CROCC2: variants seen among roughly 807,000 people sequenced by gnomAD.
CROCC2 encodes ciliary rootlet coiled-coil protein 2.
CROCC2 carries 163 observed loss-of-function variants against 177.6 expected under a neutral mutation model. The observed-to-expected ratio is 0.92, with a 90% CI of 0.81 to 1.05. The LOEUF is 1.05. CROCC2 is among the 50% of genes least tolerant of loss of function. The pLI, the probability that CROCC2 is intolerant of heterozygous loss-of-function variation, is 0.00. For synonymous variants in CROCC2, 904 were observed against 787.3 expected (o/e 1.15, Z -2.48); for missense variants, 1,929 against 1,797.8 (o/e 1.07, Z -1.32).
intron 7 of CROCC2, 38 bp from the exon 8 acceptor site, chr2:240,932,280 C>A: frequency 1.4e-6 from 1 of 695,886 alleles, no homozygotes; most frequent in Non-Finnish European, 2.7e-6. Flanking sequence ...GTCCTCTGGG[C>A]CCTGCCCTTC....
Position 240,932,079 on chromosome 2 carries a change from G to A in CROCC2, c.948-239G>A, listed in dbSNP as rs556308792. 4.6e-5 allele frequency among the ~76,000 whole-genome samples: 7 copies of A among 152,268 alleles called. 1 individual carries two copies. Among genetic ancestry groups the A allele is most frequent in the Admixed American group, 3.3e-4 (5 of 15,292 alleles). On this transcript the variant is annotated intron_variant, in intron 7 of 31. Coordinates refer to ENST00000690015, the MANE Select transcript of CROCC2 (RefSeq NM_001351305.2). ...AGAGCCTCGGGCAGCCACTGCATCT[G>A]AGGCTGGAGAGCTGGTCAGGGTGTG... is the stretch of plus-strand genomic sequence containing the variant.
intron 18 of CROCC2, 58 bp from the exon 19 acceptor site, chr2:240,955,801 C>T (rs984662828): frequency 2.5e-6 from 3 of 1,204,830 alleles, no homozygotes; most frequent in Non-Finnish European, 3.5e-6. Context: ...TAGAGGGGGG[C>T]CTCTTCCCTC....
At chr2:240,930,844 G>A (rs1360077029) in intron 6 of CROCC2, 87 bp from the exon 7 acceptor site, 1 of 608,758 alleles carries the variant, frequency 1.6e-6, no homozygotes, top group African/African-American at 1.9e-5. Context: ...TGGCCAAGGA[G>A]GGGGTCCTCT....
intron 28 of CROCC2, 51 bp from the exon 29 acceptor site, chr2:240,988,688 C>A (rs2106494737): frequency 1.5e-6 from 2 of 1,332,790 alleles, no homozygotes; most frequent in Non-Finnish European, 1.9e-6. Context: ...GCTGGCCTGA[C>A]CTCACTCCCT....
rs370465908 is a variant in CROCC2 at position 240,933,318 on chromosome 2, G to A, written c.1439G>A (p.Arg480Gln). The A allele has an allele frequency of 2.7e-4, 407 of 1,532,982 alleles. 1 individual carries two copies. Among genetic ancestry groups the A allele is most frequent in the Middle Eastern group, 2.5e-3 (11 of 4,456 alleles). The allele number at this position is 1,532,982 out of a possible 1,614,324, so 95.0% of individuals were successfully genotyped here. A position where few individuals can be genotyped will look rare whatever the true frequency, so the allele number is the denominator to read the frequency against. The part of the protein sequence containing the change: ...EAQRLEVQQC[R>Q]ASCKLLGREK... ...CAGAGGCTCGAGGTGCAGCAGTGCCGGGCATCCTGCAAGCTCCTGGGGAGG... is the reference window on the plus strand; with the variant it reads ...CAGAGGCTCGAGGTGCAGCAGTGCCAGGCATCCTGCAAGCTCCTGGGGAGG... The change falls in exon 10 of 32, where the codon CGG (arginine) becomes CAG (glutamine). Residue 480 changes from arginine (R) to glutamine (Q), a missense_variant. Physicochemically the swap from Arg to Gln is conservative, Grantham distance 43 (BLOSUM62 1). Transcript: ENST00000690015.
At chr2:240,967,757 C>T in intron 26 of CROCC2, among the ~76,000 whole-genome samples, 1 of 152,082 alleles carries the variant, frequency 6.6e-6, no homozygotes. Flanking sequence ...TGGCCTCCTG[C>T]AGTTCCCACT....
At position 240,982,390 on chromosome 2, in the gene CROCC2, T is replaced by A. The variant is rs11884043; in HGVS notation, c.4402-490T>A. 17,606 of 152,850 alleles carry A rather than the reference T, an allele frequency of 0.12. 1,150 individuals carry two copies. The highest frequency in any genetic ancestry group is 0.17 in the African/African-American group (6,969 of 41,470). 9.5% of individuals were successfully genotyped at this position (152,850 alleles called of 1,614,324 possible). A position where few individuals can be genotyped will look rare whatever the true frequency, so the allele number is the denominator to read the frequency against. On this transcript the variant is annotated intron_variant, in intron 27 of 31. Coordinates refer to ENST00000690015, the MANE Select transcript of CROCC2 (RefSeq NM_001351305.2). This position sits in a 1 kb window ranked among gnomAD's most constrained non-coding sequence, Gnocchi z 4.7. Reference sequence around the variant, plus strand: ...TCACGGACTCTGGAGCTCCTGAGCTTAGTTTGGGACTAGCCATGTCCCCAG... The same window carrying A: ...TCACGGACTCTGGAGCTCCTGAGCTAAGTTTGGGACTAGCCATGTCCCCAG...
chr2:240,964,176 G>C, intron 21 of CROCC2: 1 of 551,182 alleles, frequency 1.8e-6, no homozygotes, highest in African/African-American at 1.9e-5. Context: ...ACCAGGCTAG[G>C]CTGGATGTTG....
intron 28 of CROCC2, chr2:240,983,248 T>G: frequency 1.1e-6 from 1 of 892,330 alleles, no homozygotes; most frequent in Non-Finnish European, 1.6e-6. Flanking sequence ...CCACAGGGAG[T>G]CAGGGGGCTG....
intron 19 of CROCC2, among the ~76,000 whole-genome samples, chr2:240,956,922 G>T (rs1321376565): frequency 6.6e-6 from 1 of 151,978 alleles, no homozygotes; most frequent in Admixed American, 6.6e-5. Flanking sequence ...CTCACAGTGG[G>T]GGGTGGCCAG....
At chr2:240,928,146 A>G (rs913904648) in intron 5 of CROCC2, among the ~76,000 whole-genome samples, 12 of 152,020 alleles carry the variant, frequency 7.9e-5, no homozygotes, top group African/African-American at 2.9e-4. Flanking sequence ...AGAGCTGCTT[A>G]TTTTCCTTGG....
At position 240,972,494 on chromosome 2, in the gene CROCC2, G is replaced by A. The variant is rs547899307; in HGVS notation, c.4401+4232G>A. ...CCTGAGGTCCTGGTAGTACAGAGTT[G>A]CCTCCCCAACACCCCTGCAGCTCCC... On this transcript the variant is annotated intron_variant, in intron 27 of 31. Coordinates refer to ENST00000690015, the MANE Select transcript of CROCC2 (RefSeq NM_001351305.2). The surrounding 1 kb of genome is among the most constrained non-coding windows in gnomAD (Gnocchi z 7.1). 6.6e-6 allele frequency among the ~76,000 whole-genome samples: 1 copy of A among 152,174 alleles called. No individual in the cohort carries two copies. Among genetic ancestry groups the A allele is most frequent in the African/African-American group, 2.4e-5 (1 of 41,508 alleles).
chr2:240,928,420 T>TG (rs2059406929), intron 5 of CROCC2, among the ~76,000 whole-genome samples: 64 of 147,768 alleles, frequency 4.3e-4, no homozygotes, highest in African/African-American at 1.6e-3. Flanking sequence ...TGTGCCTGTT[T>TG]TGTGTGTGTG....
chr2:240,961,887 CAT>C (rs757104905), intron 20 of CROCC2, among the ~76,000 whole-genome samples: 44 of 143,358 alleles, frequency 3.1e-4, no homozygotes, highest in Admixed American at 4.2e-4. Flanking sequence ...TCATCACACA[CAT>C]GTACACACAC....
At chr2:240,959,740 T>G in intron 20 of CROCC2, 1 of 287,402 alleles carries the variant, frequency 3.5e-6, no homozygotes, top group Non-Finnish European at 6.5e-6. Flanking sequence ...AAGGCATCAT[T>G]TCTAAGCCTC....
rs1217018695 is a variant in CROCC2 at position 240,949,724 on chromosome 2, C to T, written c.2652+22C>T. On this transcript the variant is annotated intron_variant, in intron 17 of 31. Transcript: ENST00000690015. This position sits in a 1 kb window ranked among gnomAD's most constrained non-coding sequence, Gnocchi z 4.5. ...GAAGGTCTGCTTCCCAGGAGCCCAC[C>T]AGTAGCTTCCTAGAAGGCTACCAGG... 3.3e-6 allele frequency: 5 copies of T among 1,523,650 alleles called. No individual in the cohort carries two copies. The highest frequency in any genetic ancestry group is 2.1e-5 in the Admixed American group (1 of 48,328). The allele number at this position is 1,523,650 out of a possible 1,614,324, so 94.4% of individuals were successfully genotyped here.
chr2:240,933,818 C>A lies in CROCC2; in HGVS notation c.1612C>A (p.Arg538=), dbSNP rs781384945. ...QAERREELAL[R]RERSCRALET... is the part of the protein sequence containing the mutation. ...AGAGCGGAGGGAGGAGCTGGCTCTG[C>A]GGAGGGAGCGGAGCTGCAGGGCACT... is the stretch of plus-strand genomic sequence containing the variant. Residue 538 remains arginine, a synonymous_variant, in exon 11 of 32, where the codon CGG becomes AGG. Coordinates refer to ENST00000690015, the MANE Select transcript of CROCC2 (RefSeq NM_001351305.2). 3.2e-6 allele frequency: 5 copies of A among 1,548,042 alleles called. No homozygotes were observed. The highest frequency in any genetic ancestry group is 4.4e-6 in the Non-Finnish European group (5 of 1,146,642).
At chr2:240,928,934 G>A (rs1407652195) in intron 5 of CROCC2, among the ~76,000 whole-genome samples, 1 of 151,072 alleles carries the variant, frequency 6.6e-6, no homozygotes, top group Admixed American at 6.6e-5. Flanking sequence ...CAGGTGTAAT[G>A]GGCTCAGAGG....
At chr2:240,968,788 C>T (rs971183231) in intron 27 of CROCC2, among the ~76,000 whole-genome samples, 1 of 152,186 alleles carries the variant, frequency 6.6e-6, no homozygotes, top group Non-Finnish European at 1.5e-5. Context: ...GGGAGGTGCC[C>T]GCTGGGTCTG....
Sources: gnomAD v4.1 joint callset for allele counts (sites outside exome capture counted in the v4.1 genomes callset) on GRCh38, gnomAD v4.1.1 for gene constraint, Gnocchi (gnomAD v3.1) non-coding constraint, MANE v1.5 for transcripts, NCBI Gene and HGNC (gene_info 2026-07-23, HGNC 2026-07-21) for gene names.